ERBB4: variants seen among roughly 807,000 people sequenced by gnomAD.
ERBB4 encodes receptor tyrosine-protein kinase erbB-4.
In ERBB4, 42 loss-of-function variants were observed where a neutral mutation model predicts 158.0. The ratio of observed to expected loss-of-function variants is 0.27; its 90% CI spans 0.21 to 0.34. The LOEUF is 0.34. Among genes scored for constraint, ERBB4 ranks in the 10% least tolerant of loss-of-function variants. The probability of loss-of-function intolerance (pLI) is 1.00; values close to 1 mark genes in which losing one functional copy is unlikely to be tolerated. For missense variants in ERBB4, 1,333 were observed against 1,624.1 expected, an observed-to-expected ratio of 0.82 and a Z score of 3.08; for synonymous variants, 583 against 558.7, an observed-to-expected ratio of 1.04 and a Z score of -0.61.
Position 211,729,267 on chromosome 2 carries a change from T to G in ERBB4, c.623-4073A>C, listed in dbSNP as rs142906360. 9.7e-3 allele frequency among the ~76,000 whole-genome samples: 1,469 copies of G among 151,904 alleles called. 22 individuals are homozygous for G. Among genetic ancestry groups the G allele is most frequent in the African/African-American group, 0.033 (1,387 of 41,534 alleles). On this transcript the variant is annotated intron_variant, in intron 5 of 27. Coordinates refer to ENST00000342788, the MANE Select transcript of ERBB4 (RefSeq NM_005235.3). The stretch of plus-strand genomic sequence containing the variant: ...CAAATGCAGATGCATTCCACAATTT[T>G]TATTTAACATGTTAAAAGGGAGTTA...
intron 3 of ERBB4, among the ~76,000 whole-genome samples, chr2:211,944,195 A>G (rs1359283306): frequency 4.4e-5 from 2 of 45,416 alleles, no homozygotes; most frequent in Non-Finnish European, 8.9e-5. Flanking sequence ...ATATATATAT[A>G]TATACTATAT....
In ERBB4 at chr2:211,420,569, A is replaced by G. The variant is rs762950031; in HGVS notation, c.3007T>C (p.Phe1003Leu). 1.2e-6 allele frequency: 2 copies of G among 1,613,048 alleles called. No homozygotes were observed. The highest frequency in any genetic ancestry group is 2.2e-5 in the South Asian group (2 of 91,048). ...TCTTCATCCAAGAGATTCTGAAAGA[A>G]CTTGCTGTCATTTGGACTGGGAAGC... ...MKLPSPNDSK[F>L]FQNLLDEEDL... is the part of the protein sequence containing the mutation. The change falls in exon 25 of 28, where the codon TTC becomes CTC. Residue 1003 changes from phenylalanine (F) to leucine (L), a missense_variant. By Grantham distance (22) the Phe-to-Leu change is conservative. Coordinates refer to ENST00000342788, the MANE Select transcript of ERBB4 (RefSeq NM_005235.3).
At chr2:211,433,401 G>A (rs753431335) in intron 20 of ERBB4, among the ~76,000 whole-genome samples, 47 of 151,994 alleles carry the variant, frequency 3.1e-4, no homozygotes, top group African/African-American at 8.9e-4. Flanking sequence ...CTAACATGGC[G>A]AAACCCCATC....
At chr2:212,506,722 C>T (rs985068984) in intron 1 of ERBB4, among the ~76,000 whole-genome samples, 7 of 152,012 alleles carry the variant, frequency 4.6e-5, no homozygotes, top group African/African-American at 7.3e-5. Context: ...GGAAGCTAGC[C>T]GAGATTGGTT....
intron 1 of ERBB4, among the ~76,000 whole-genome samples, chr2:212,157,483 C>A (rs1463206963): frequency 6.6e-6 from 1 of 151,978 alleles, no homozygotes; most frequent in Non-Finnish European, 1.5e-5. Context: ...CAGGATAGTT[C>A]TTTTTGAAAG....
intron 7 of ERBB4, 138 bp downstream of exon 7, chr2:211,722,254 TA>T: frequency 1.5e-6 from 1 of 684,298 alleles, no homozygotes; most frequent in Non-Finnish European, 2.5e-6. Flanking sequence ...TCTTTATTTA[TA>T]AAATGGGGGC....
chr2:211,669,374 T>A (rs1056278648), intron 14 of ERBB4, among the ~76,000 whole-genome samples: 7 of 152,118 alleles, frequency 4.6e-5, no homozygotes, highest in Non-Finnish European at 8.8e-5. Flanking sequence ...AATTTAACAG[T>A]GTTTTCACTT....
At chr2:212,372,479 G>C (rs565401535) in intron 1 of ERBB4, among the ~76,000 whole-genome samples, 9 of 152,246 alleles carry the variant, frequency 5.9e-5, no homozygotes, top group African/African-American at 1.9e-4. Flanking sequence ...GCCAGGCGCG[G>C]TGGCTCACAC....
At chr2:212,326,982 C>T (rs1273076143) in intron 1 of ERBB4, among the ~76,000 whole-genome samples, 3 of 150,758 alleles carry the variant, frequency 2.0e-5, no homozygotes, top group Admixed American at 6.6e-5. Context: ...AGTAAAACAA[C>T]TATTCATTGA....
intron 1 of ERBB4, among the ~76,000 whole-genome samples, chr2:212,189,484 C>A (rs967163356): frequency 7.2e-5 from 11 of 152,096 alleles, no homozygotes; most frequent in Admixed American, 5.9e-4. Flanking sequence ...TCTGATCCAC[C>A]TTCAAATGAT....
chr2:211,744,451 C>T (rs1338444261), intron 5 of ERBB4, among the ~76,000 whole-genome samples: 3 of 152,168 alleles, frequency 2.0e-5, no homozygotes, highest in Non-Finnish European at 4.4e-5. Context: ...AAAACAAAAA[C>T]CTTTTCTTCA....
At chr2:211,809,772 T>G (rs549025543) in intron 3 of ERBB4, among the ~76,000 whole-genome samples, 2 of 152,308 alleles carry the variant, frequency 1.3e-5, no homozygotes, top group African/African-American at 4.8e-5. Flanking sequence ...GTTCTTTTAA[T>G]TATGATGTTA....
intron 4 of ERBB4, among the ~76,000 whole-genome samples, chr2:211,776,223 T>C (rs1357066378): frequency 6.6e-6 from 1 of 152,210 alleles, no homozygotes; most frequent in African/African-American, 2.4e-5. Context: ...ATGGAGTTTT[T>C]TACAACTTAG....
At chr2:212,479,568 G>A (rs1351707492) in intron 1 of ERBB4, among the ~76,000 whole-genome samples, 2 of 152,010 alleles carry the variant, frequency 1.3e-5, no homozygotes, top group Non-Finnish European at 2.9e-5. Flanking sequence ...TTAGTATGAA[G>A]GTTCTATTAA....
chr2:211,909,600 GGTATAAAAGGTTACAAGTGGTACACCT>G (rs1393144420), intron 3 of ERBB4, among the ~76,000 whole-genome samples: 1 of 151,654 alleles, frequency 6.6e-6, no homozygotes, highest in African/African-American at 2.4e-5. Context: ...AGTAAAATAT[GGTATAAAAGGTTACAAGTGGTACACCT>G]GTATAAGGCA....
At position 211,540,205 on chromosome 2, in the gene ERBB4, T is replaced by TATATATATATACAC. The variant is rs60602351; in HGVS notation, c.2487+21697_2487+21698insGTGTATATATATAT. On this transcript the variant is annotated intron_variant, in intron 20 of 27. Transcript: ENST00000342788. ...TACATGATTTATATATATATATATA[T>TATATATATATACAC]ACACACACACATATATATAATACAT... 8.2e-4 allele frequency among the ~76,000 whole-genome samples: 121 copies of TATATATATATACAC among 147,834 alleles called. 2 individuals carry two copies. The highest frequency in any genetic ancestry group is 5.9e-3 in the East Asian group (29 of 4,930).
intron 19 of ERBB4, among the ~76,000 whole-genome samples, chr2:211,605,937 T>G (rs1380417966): frequency 2.6e-5 from 4 of 152,030 alleles, no homozygotes; most frequent in African/African-American, 9.7e-5. Flanking sequence ...CTAAATTCAG[T>G]ATTTCTTTTA....
chr2:211,849,311 G>A (rs767650527), intron 3 of ERBB4, among the ~76,000 whole-genome samples: 6 of 151,892 alleles, frequency 4.0e-5, no homozygotes, highest in Non-Finnish European at 7.4e-5. Flanking sequence ...TTCTAAGAAA[G>A]CTTGTGCATG....
chr2:211,673,270 C>G lies in ERBB4; in HGVS notation c.1623-13G>C. On this transcript the variant is annotated splice_polypyrimidine_tract_variant and intron_variant, in intron 13 of 27. Coordinates refer to ENST00000342788, the MANE Select transcript of ERBB4 (RefSeq NM_005235.3). ...CTCCCGAAATTCACTGTGAAAACAT[C>G]AGCCACATGAGGAGGTGTAAGCAAA... 6.3e-7 allele frequency: 1 copy of G among 1,595,676 alleles called. No individual in the cohort carries two copies. Among genetic ancestry groups the G allele is most frequent in the Non-Finnish European group, 8.6e-7 (1 of 1,163,376 alleles).
Sources: gnomAD v4.1 joint callset for allele counts (sites outside exome capture counted in the v4.1 genomes callset) on GRCh38, gnomAD v4.1.1 for gene constraint, MANE v1.5 for transcripts, NCBI Gene and HGNC (gene_info 2026-07-23, HGNC 2026-07-21) for gene names.